The following PYGB variants were observed in gnomAD, a reference collection of about 807,000 sequenced individuals.
The protein encoded by PYGB is glycogen phosphorylase, brain form.
In PYGB, 82 loss-of-function variants were observed where a neutral mutation model predicts 94.3. That is an observed-to-expected ratio of 0.87 (90% CI 0.73 to 1.04). The LOEUF (loss-of-function observed/expected upper bound fraction) is 1.04, where lower values mean the gene tolerates loss of function less well. Among genes scored for constraint, PYGB ranks in the 50% least tolerant of loss-of-function variants. PYGB has a pLI of 0.00. For synonymous variants in PYGB, 488 were observed against 479.1 expected (o/e 1.02, Z -0.24); for missense variants, 1,132 against 1,158.2 (o/e 0.98, Z 0.33).
intron 18 of PYGB, chr20:25,294,702 G>A: frequency 1.7e-6 from 1 of 604,038 alleles, no homozygotes; most frequent in Non-Finnish European, 3.0e-6. Context: ...GTCAGTGCCA[G>A]TGACAGGCAG....
intron 17 of PYGB, 27 bp downstream of exon 17, chr20:25,292,640 G>T: frequency 6.2e-7 from 1 of 1,602,480 alleles, no homozygotes. Context: ...CTGGGCACCT[G>T]GCACCGTGAG....
chr20:25,279,167 G>A lies in PYGB; in HGVS notation c.1092+18G>A. On this transcript the variant is annotated intron_variant, in intron 9 of 19. Coordinates refer to ENST00000216962, the MANE Select transcript of PYGB (RefSeq NM_002862.4). Reference sequence around the variant, plus strand: ...GGGACAAGGTGAGCATGGAGGAAAAGGGCGGCACCTCCCCAGAGCCTGGAG... The same window carrying A: ...GGGACAAGGTGAGCATGGAGGAAAAAGGCGGCACCTCCCCAGAGCCTGGAG... The A allele has an allele frequency of 1.9e-6, 3 of 1,611,516 alleles. No homozygotes were observed. Among genetic ancestry groups the A allele is most frequent in the Non-Finnish European group, 2.5e-6 (3 of 1,178,278 alleles).
At chr20:25,283,975 G>A (rs769440229) in intron 13 of PYGB, 129 bp from the exon 14 acceptor site, 150 of 1,124,540 alleles carry the variant, frequency 1.3e-4, no homozygotes, top group Non-Finnish European at 1.7e-4. Context: ...CTGCCCCTCA[G>A]CTCCAGCCTG....
At chr20:25,278,487 C>T in intron 8 of PYGB, 25 bp downstream of exon 8, 1 of 1,612,354 alleles carries the variant, frequency 6.2e-7, no homozygotes, top group Non-Finnish European at 8.5e-7. Flanking sequence ...TGGGAGGGAT[C>T]TCAGTGCCAG....
chr20:25,288,548 G>T, intron 15 of PYGB, 65 bp downstream of exon 15: 1 of 1,552,450 alleles, frequency 6.4e-7, no homozygotes. Context: ...TGGGCAGCCT[G>T]CACGCTTCTC....
chr20:25,289,938 A>C (rs775935445), intron 15 of PYGB: 4 of 533,542 alleles, frequency 7.5e-6, no homozygotes, highest in South Asian at 5.6e-5. Context: ...CGGGTACTTC[A>C]TGGGTCCCCT....
intron 1 of PYGB, among the ~76,000 whole-genome samples, chr20:25,249,386 G>T (rs1394552891): frequency 6.6e-6 from 1 of 152,136 alleles, no homozygotes; most frequent in African/African-American, 2.4e-5. Flanking sequence ...TGTTGTTGTC[G>T]TTTGCTTTTA....
At chr20:25,253,623 T>TAAATAAAATAAAATAAAATAAAATA (rs61580405) in intron 1 of PYGB, among the ~76,000 whole-genome samples, 15 of 146,212 alleles carry the variant, frequency 1.0e-4, no homozygotes, top group African/African-American at 3.8e-4. Flanking sequence ...CAACTCTGCC[T>TAAATAAAATAAAATAAAATAAAATA]AAATAAAATA....
intron 8 of PYGB, 88 bp downstream of exon 8, chr20:25,278,550 CTAGAGTGGAATGGTA>C: frequency 6.5e-7 from 1 of 1,537,086 alleles, no homozygotes; most frequent in Non-Finnish European, 8.9e-7. Context: ...CCAAAAGGGG[CTAGAGTGGAATGGTA>C]CATGCCCCTT....
chr20:25,292,340 G>A lies in PYGB; in HGVS notation c.1970-66G>A. 2.6e-6 allele frequency: 4 copies of A among 1,566,156 alleles called. No individual in the cohort carries two copies. The South Asian group carries it at 4.5e-5, about 18-fold the overall frequency. On this transcript the variant is annotated intron_variant, in intron 16 of 19. Transcript: ENST00000216962. ...GGTGGATGGGCCGGCTTGTCCTGCA[G>A]TGAGCCTTGCGGCTGAGGACATTGG...
At chr20:25,271,771 C>T (rs1281876718) in intron 4 of PYGB, among the ~76,000 whole-genome samples, 1 of 152,242 alleles carries the variant, frequency 6.6e-6, no homozygotes, top group Non-Finnish European at 1.5e-5. Flanking sequence ...CTTACAGCAG[C>T]TCCCAGACAG....
intron 5 of PYGB, 114 bp downstream of exon 5, chr20:25,274,837 A>T: frequency 6.9e-7 from 1 of 1,445,776 alleles, no homozygotes. Flanking sequence ...GCCTCCCTGG[A>T]GGACTTAAGG....
At chr20:25,269,592 G>T (rs1367579469) in intron 3 of PYGB, among the ~76,000 whole-genome samples, 1 of 152,202 alleles carries the variant, frequency 6.6e-6, no homozygotes, top group Non-Finnish European at 1.5e-5. Flanking sequence ...GATACAGTCA[G>T]CAGATTGCCT....
At chr20:25,259,362 TC>T (rs746562025) in intron 2 of PYGB, 24 bp downstream of exon 2, 2 of 1,552,774 alleles carry the variant, frequency 1.3e-6, no homozygotes, top group Admixed American at 3.4e-5. Flanking sequence ...TGGCCGGGCT[TC>T]TGGGTGGCCC....
At chr20:25,268,269 C>T (rs966091483) in intron 2 of PYGB, among the ~76,000 whole-genome samples, 2 of 146,692 alleles carry the variant, frequency 1.4e-5, no homozygotes, top group Non-Finnish European at 3.0e-5. Flanking sequence ...AATCAAATTA[C>T]TGTATGTGTC....
chr20:25,288,951 C>T (rs147642558), intron 15 of PYGB, among the ~76,000 whole-genome samples: 2,577 of 152,340 alleles, frequency 0.017, 30 homozygotes, highest in Non-Finnish European at 0.026. Context: ...TCCCCACCTC[C>T]TGCCATGTTT....
intron 2 of PYGB, among the ~76,000 whole-genome samples, chr20:25,261,473 C>T (rs777695989): frequency 4.6e-5 from 7 of 152,220 alleles, no homozygotes; most frequent in African/African-American, 7.2e-5. Flanking sequence ...ACCAAAACCC[C>T]GTCTGTACGT....
chr20:25,255,661 A>G (rs1387475361), intron 1 of PYGB, among the ~76,000 whole-genome samples: 1 of 149,706 alleles, frequency 6.7e-6, no homozygotes, highest in Non-Finnish European at 1.5e-5. Context: ...TCCTGGGGAC[A>G]GGAGGGGACC....
At chr20:25,294,501 G>A (rs983838704) in intron 18 of PYGB, among the ~76,000 whole-genome samples, 12 of 152,244 alleles carry the variant, frequency 7.9e-5, no homozygotes, top group Non-Finnish European at 4.4e-5. Context: ...GGGGCCCTGG[G>A]CAGCGAGACA....
Sources: allele counts gnomAD v4.1 joint callset (sites outside exome capture counted in the v4.1 genomes callset), GRCh38; gene constraint gnomAD v4.1.1; transcripts MANE v1.5; gene names NCBI Gene and HGNC (gene_info 2026-07-23, HGNC 2026-07-21).